The following MKLN1 variants were observed in gnomAD, a reference collection of about 807,000 sequenced individuals.
MKLN1 encodes muskelin 1, also known as muskelin.
MKLN1 carries 18 observed loss-of-function variants against 99.0 expected under a neutral mutation model. The observed-to-expected ratio is 0.18, with a 90% CI of 0.13 to 0.27. MKLN1 has a LOEUF of 0.27. Among genes scored for constraint, MKLN1 ranks in the 10% least tolerant of loss-of-function variants. The pLI, the probability that MKLN1 is intolerant of heterozygous loss-of-function variation, is 1.00. For synonymous variants in MKLN1, 288 were observed against 293.2 expected, an observed-to-expected ratio of 0.98 and a Z score of 0.18; for missense variants, 621 against 875.9, an observed-to-expected ratio of 0.71 and a Z score of 3.67.
intron 2 of MKLN1, among the ~76,000 whole-genome samples, chr7:131,185,053 C>T (rs561864843): frequency 1.3e-5 from 2 of 152,192 alleles, no homozygotes; most frequent in South Asian, 2.1e-4. Flanking sequence ...GCATACCACC[C>T]GAGAGGAGGA....
intron 10 of MKLN1, among the ~76,000 whole-genome samples, chr7:131,442,345 C>T (rs1795862673): frequency 6.6e-6 from 1 of 152,120 alleles, no homozygotes; most frequent in Admixed American, 6.6e-5. Context: ...GTCGAGAGTT[C>T]AAGACCAGCC....
At chr7:131,418,996 A>T (rs1424608828) in intron 8 of MKLN1, among the ~76,000 whole-genome samples, 1 of 152,146 alleles carries the variant, frequency 6.6e-6, no homozygotes, top group Non-Finnish European at 1.5e-5. Context: ...AAGAAATCAG[A>T]AAATACTATT....
chr7:131,120,714 A>G (rs2398754), intron 1 of MKLN1, among the ~76,000 whole-genome samples: 150,750 of 152,264 alleles, frequency 0.99, 74,653 homozygotes, highest in Middle Eastern at 1. Context: ...TTCCCAATAA[A>G]TTCCTCATCT....
chr7:131,150,598 T>C (rs1420656463), intron 2 of MKLN1, among the ~76,000 whole-genome samples: 3 of 152,108 alleles, frequency 2.0e-5, no homozygotes, highest in Admixed American at 6.6e-5. Context: ...TGGAACATAA[T>C]TGCAAGTGTA....
At chr7:131,461,906 T>G (rs1796526019) in intron 12 of MKLN1, among the ~76,000 whole-genome samples, 1 of 152,204 alleles carries the variant, frequency 6.6e-6, no homozygotes, top group African/African-American at 2.4e-5. Context: ...TTACAGATTA[T>G]TGGGTAATGC....
chr7:131,188,579 C>T (rs1796486392), intron 2 of MKLN1, among the ~76,000 whole-genome samples: 1 of 152,198 alleles, frequency 6.6e-6, no homozygotes, highest in Admixed American at 6.5e-5. Context: ...CCGAAGCACA[C>T]ACTTGAGGCT....
chr7:131,454,048 A>G (rs971239076), intron 12 of MKLN1, among the ~76,000 whole-genome samples: 5 of 143,546 alleles, frequency 3.5e-5, no homozygotes, highest in Non-Finnish European at 6.1e-5. Flanking sequence ...GTTGAAATGT[A>G]TTTGGTACAG....
chr7:131,445,298 A>G (rs1248019160), intron 11 of MKLN1, among the ~76,000 whole-genome samples: 2 of 152,050 alleles, frequency 1.3e-5, no homozygotes, highest in African/African-American at 4.8e-5. Flanking sequence ...ACCATACATC[A>G]AGGTATTATT....
At chr7:131,229,040 G>A (rs866027705) in intron 3 of MKLN1, among the ~76,000 whole-genome samples, 2 of 152,172 alleles carry the variant, frequency 1.3e-5, no homozygotes, top group Non-Finnish European at 2.9e-5. Flanking sequence ...GGGGTTACAG[G>A]CATAGACATA....
intron 3 of MKLN1, among the ~76,000 whole-genome samples, chr7:131,251,972 C>T (rs943625892): frequency 2.6e-5 from 4 of 152,198 alleles, no homozygotes; most frequent in Non-Finnish European, 5.9e-5. Flanking sequence ...AGTCACCACT[C>T]CCAGCCCCAA....
chr7:131,116,890 T>G (rs1584770018), intron 1 of MKLN1, among the ~76,000 whole-genome samples: 1 of 152,150 alleles, frequency 6.6e-6, no homozygotes, highest in Non-Finnish European at 1.5e-5. Context: ...GCAGGCACTT[T>G]CTTATACTGT....
chr7:131,437,130 T>C (rs1220486256), intron 9 of MKLN1, among the ~76,000 whole-genome samples: 1 of 152,068 alleles, frequency 6.6e-6, no homozygotes, highest in Non-Finnish European at 1.5e-5. Flanking sequence ...AATGTGAAGG[T>C]TTGATAGATA....
intron 3 of MKLN1, among the ~76,000 whole-genome samples, chr7:131,247,403 A>T (rs975153719): frequency 6.6e-6 from 1 of 151,740 alleles, no homozygotes; most frequent in Non-Finnish European, 1.5e-5. Flanking sequence ...TTTAGTAGAG[A>T]TGGGGTTTCA....
At chr7:131,336,857 C>T (rs1799264633) in intron 1 of MKLN1, among the ~76,000 whole-genome samples, 1 of 152,086 alleles carries the variant, frequency 6.6e-6, no homozygotes. Context: ...TATTTACATG[C>T]TTCCATCTGA....
At position 131,490,696 on chromosome 7, in the gene MKLN1, T is replaced by C. The variant is rs1250640941; in HGVS notation, c.*2968T>C. Reference sequence around the variant, plus strand: ...ATAGAATACATTAAAAAGTCACTGGTTTATCATAGAAAAGTTTGATGGGTT... The same window carrying C: ...ATAGAATACATTAAAAAGTCACTGGCTTATCATAGAAAAGTTTGATGGGTT... On this transcript the variant is annotated 3_prime_UTR_variant, in exon 18 of 18. Transcript: ENST00000352689. The C allele has an allele frequency of 6.6e-6, 1 of 152,572 alleles. No homozygotes were observed. The highest frequency in any genetic ancestry group is 1.5e-5 in the Non-Finnish European group (1 of 68,010). The allele number at this position is 152,572 out of a possible 1,614,324, so 9.5% of individuals were successfully genotyped here.
intron 3 of MKLN1, among the ~76,000 whole-genome samples, chr7:131,229,893 AAC>A (rs1797216878): frequency 6.6e-6 from 1 of 152,214 alleles, no homozygotes; most frequent in South Asian, 2.1e-4. Context: ...TGGCTGCATT[AAC>A]AGAGATTCTC....
chr7:131,374,261 A>G (rs1286625010), intron 1 of MKLN1, among the ~76,000 whole-genome samples: 1 of 152,148 alleles, frequency 6.6e-6, no homozygotes, highest in Non-Finnish European at 1.5e-5. Context: ...ATGTGGAAAC[A>G]TACCATTGTG....
intron 3 of MKLN1, among the ~76,000 whole-genome samples, chr7:131,226,811 T>C (rs1797154963): frequency 6.6e-6 from 1 of 152,196 alleles, no homozygotes; most frequent in Non-Finnish European, 1.5e-5. Flanking sequence ...GGGTTTTTTT[T>C]GTTTTGTTGT....
chr7:131,416,846 G>T (rs1280882015), intron 8 of MKLN1, among the ~76,000 whole-genome samples: 2 of 151,924 alleles, frequency 1.3e-5, no homozygotes, highest in Non-Finnish European at 2.9e-5. Context: ...AGCTGGATGT[G>T]GTGGTGTATG....
Sources: allele counts gnomAD v4.1 joint callset (sites outside exome capture counted in the v4.1 genomes callset), GRCh38; gene constraint gnomAD v4.1.1; transcripts MANE v1.5; gene names NCBI Gene and HGNC (gene_info 2026-07-23, HGNC 2026-07-21).